Variants in MARCHF1 observed in about 807,000 individuals in gnomAD.
MARCHF1 encodes membrane associated ring-CH-type finger 1.
Under a neutral mutation model 54.2 loss-of-function variants are expected in MARCHF1, and 40 were observed. The observed-to-expected ratio is 0.74, with a 90% confidence interval of 0.57 to 0.96. The LOEUF is 0.96. Among genes scored for constraint, MARCHF1 ranks in the 40% least tolerant of loss-of-function variants. MARCHF1 has a pLI of 0.00. For missense variants in MARCHF1, 586 were observed against 656.5 expected (o/e 0.89, Z 1.17); for synonymous variants, 236 against 236.3 (o/e 1.00, Z 0.01).
intron 5 of MARCHF1, among the ~76,000 whole-genome samples, chr4:163,653,650 A>G (rs955192824): frequency 2.6e-5 from 4 of 151,800 alleles, no homozygotes; most frequent in Admixed American, 1.3e-4. Context: ...TGAATGTCAG[A>G]TAGGAGAAAA....
intron 3 of MARCHF1, among the ~76,000 whole-genome samples, chr4:163,921,036 G>A (rs752691864): frequency 2.6e-5 from 4 of 152,136 alleles, no homozygotes; most frequent in Non-Finnish European, 4.4e-5. Context: ...GATATAGCAG[G>A]TTCAAATTGA....
At chr4:164,155,806 T>C (rs2110923869) in intron 1 of MARCHF1, among the ~76,000 whole-genome samples, 1 of 152,224 alleles carries the variant, frequency 6.6e-6, no homozygotes, top group Non-Finnish European at 1.5e-5. Flanking sequence ...ACCCCTTAAA[T>C]TGATGCAATA....
intron 4 of MARCHF1, among the ~76,000 whole-genome samples, chr4:163,739,848 T>C (rs913894313): frequency 1.3e-5 from 2 of 152,192 alleles, no homozygotes; most frequent in Admixed American, 6.5e-5. Context: ...CAAAATCTTG[T>C]CCTATTGTAA....
chr4:163,916,733 T>C (rs943600342), intron 3 of MARCHF1, among the ~76,000 whole-genome samples: 17 of 152,108 alleles, frequency 1.1e-4, no homozygotes, highest in African/African-American at 3.6e-4. Context: ...GAGCAGAAGA[T>C]ACAGAAATTT....
chr4:164,274,659 CTTTTTTT>C (rs70952617), intron 1 of MARCHF1, among the ~76,000 whole-genome samples: 1,449 of 44,656 alleles, frequency 0.032, 184 homozygotes, highest in East Asian at 0.12. Context: ...TCAGGGTACA[CTTTTTTT>C]TTTTTTTTTT....
At chr4:164,284,858 C>A (rs963985627) in intron 1 of MARCHF1, among the ~76,000 whole-genome samples, 2 of 151,192 alleles carry the variant, frequency 1.3e-5, no homozygotes, top group East Asian at 4.0e-4. Context: ...AAATTAGATA[C>A]AAAATAACCC....
At chr4:164,215,437 C>G (rs1731902743) in intron 1 of MARCHF1, among the ~76,000 whole-genome samples, 2 of 152,056 alleles carry the variant, frequency 1.3e-5, no homozygotes, top group Non-Finnish European at 2.9e-5. Context: ...TTTATAGGCA[C>G]AGGATGGGGG....
chr4:164,287,825 A>G (rs1734189492), intron 1 of MARCHF1, among the ~76,000 whole-genome samples: 1 of 152,248 alleles, frequency 6.6e-6, no homozygotes, highest in East Asian at 1.9e-4. Flanking sequence ...ACTCTTTAGA[A>G]TAGCTAATGC....
chr4:164,378,870 C>G (rs182307804), intron 1 of MARCHF1, among the ~76,000 whole-genome samples: 1 of 152,102 alleles, frequency 6.6e-6, no homozygotes, highest in Admixed American at 6.5e-5. Context: ...TGCCACCATG[C>G]CTGGCTAATT....
At chr4:163,918,316 A>T (rs1179298308) in intron 3 of MARCHF1, among the ~76,000 whole-genome samples, 1 of 152,062 alleles carries the variant, frequency 6.6e-6, no homozygotes, top group Admixed American at 6.6e-5. Context: ...CAAATTCTTT[A>T]TTAGATGTAT....
chr4:163,976,952 T>C (rs1579435007), intron 3 of MARCHF1, among the ~76,000 whole-genome samples: 1 of 152,196 alleles, frequency 6.6e-6, no homozygotes, highest in African/African-American at 2.4e-5. Flanking sequence ...CCCACTGAAT[T>C]CATGGGCGTT....
chr4:163,671,791 A>C (rs984919181), intron 5 of MARCHF1, among the ~76,000 whole-genome samples: 3 of 152,212 alleles, frequency 2.0e-5, no homozygotes, highest in African/African-American at 7.2e-5. Context: ...ACATATTTAC[A>C]TAAAATCCTC....
At chr4:163,984,994 A>C (rs1209578906) in intron 3 of MARCHF1, among the ~76,000 whole-genome samples, 1 of 152,156 alleles carries the variant, frequency 6.6e-6, no homozygotes, top group Non-Finnish European at 1.5e-5. Context: ...AACCTAAACC[A>C]TTTTATTTCC....
chr4:163,639,699 CT>C (rs1022044611), intron 5 of MARCHF1, among the ~76,000 whole-genome samples: 14 of 151,816 alleles, frequency 9.2e-5, no homozygotes, highest in Non-Finnish European at 1.9e-4. Flanking sequence ...ACTATTTGGA[CT>C]TTCAGACAGA....
intron 3 of MARCHF1, among the ~76,000 whole-genome samples, chr4:163,943,167 C>A (rs935978669): frequency 2.6e-5 from 4 of 152,014 alleles, no homozygotes; most frequent in African/African-American, 9.7e-5. Context: ...TTGATAATTT[C>A]TTTTGCTGTG....
chr4:163,775,267 T>C (rs1042082681), intron 4 of MARCHF1, among the ~76,000 whole-genome samples: 1 of 152,206 alleles, frequency 6.6e-6, no homozygotes, highest in Non-Finnish European at 1.5e-5. Context: ...TTTTTACTCA[T>C]ATGCCACTTT....
chr4:164,199,410 G>C (rs1404974557), intron 1 of MARCHF1, among the ~76,000 whole-genome samples: 1 of 152,118 alleles, frequency 6.6e-6, no homozygotes, highest in Non-Finnish European at 1.5e-5. Context: ...GGAAAGCCAA[G>C]GCAGGCAGAT....
chr4:163,559,459 G>GA lies in MARCHF1; in HGVS notation c.1192-13717dup, dbSNP rs567413144. Among the ~76,000 whole-genome samples the GA allele has an allele frequency of 6.6e-3, 998 of 152,272 alleles. 10 individuals are homozygous for GA. Among genetic ancestry groups the GA allele is most frequent in the African/African-American group, 0.023 (955 of 41,536 alleles). On this transcript the variant is annotated intron_variant, in intron 8 of 9. Transcript: ENST00000514618. ...AAGAAGTCAAAGGATGGAGGAAGAA[G>GA]AAAAAACCACATCCATGTTGGGAAC...
At chr4:163,646,698 T>C (rs1742772184) in intron 5 of MARCHF1, among the ~76,000 whole-genome samples, 1 of 152,104 alleles carries the variant, frequency 6.6e-6, no homozygotes, top group African/African-American at 2.4e-5. Flanking sequence ...ATCAGCTTAA[T>C]ATAACCTGTT....
Sources: gnomAD v4.1 joint callset for allele counts (sites outside exome capture counted in the v4.1 genomes callset) on GRCh38, gnomAD v4.1.1 for gene constraint, MANE v1.5 for transcripts, NCBI Gene and HGNC (gene_info 2026-07-23, HGNC 2026-07-21) for gene names.